MROH1: variants seen among roughly 807,000 people sequenced by gnomAD.
The protein encoded by MROH1 is maestro heat-like repeat-containing protein family member 1.
A neutral mutation model predicts 116.5 loss-of-function variants in MROH1; 117 were observed. The ratio of observed to expected loss-of-function variants is 1.00; its 90% CI spans 0.86 to 1.17. The LOEUF (loss-of-function observed/expected upper bound fraction) is 1.17. MROH1 is among the 50% of genes most tolerant of loss of function. The pLI is 0.00. For synonymous variants in MROH1, 921 were observed against 583.9 expected, an observed-to-expected ratio of 1.58 and a Z score of -8.32; for missense variants, 1,873 against 1,338.5, an observed-to-expected ratio of 1.40 and a Z score of -6.23.
At chr8:144,165,734 C>G (rs190073467) in intron 3 of MROH1, among the ~76,000 whole-genome samples, 1 of 151,156 alleles carries the variant, frequency 6.6e-6, no homozygotes, top group Non-Finnish European at 1.5e-5. Context: ...GCCACTACGC[C>G]GTAATTTTTG....
chr8:144,176,909 CAT>C (rs1824127500), intron 4 of MROH1, among the ~76,000 whole-genome samples: 1 of 151,988 alleles, frequency 6.6e-6, no homozygotes, highest in South Asian at 2.1e-4. Flanking sequence ...GAAAGGGAGT[CAT>C]GTGTAGCCGG....
chr8:144,251,216 C>T (rs1188352388), intron 33 of MROH1: 1 of 154,134 alleles, frequency 6.5e-6, no homozygotes, highest in Non-Finnish European at 1.4e-5. Flanking sequence ...CCCACTTCCT[C>T]CTGGCAGGGG....
At chr8:144,162,123 C>T (rs1261570372) in intron 2 of MROH1, among the ~76,000 whole-genome samples, 2 of 146,902 alleles carry the variant, frequency 1.4e-5, no homozygotes, top group African/African-American at 5.0e-5. Context: ...CTCACTCTGT[C>T]GCCCAGGCTG....
At chr8:144,152,966 A>G (rs1817202109) in intron 1 of MROH1, among the ~76,000 whole-genome samples, 1 of 152,092 alleles carries the variant, frequency 6.6e-6, no homozygotes, top group Non-Finnish European at 1.5e-5. Flanking sequence ...TGATCTCTTG[A>G]ATTTATTCTT....
rs1277377251 is a variant in MROH1 at position 144,239,661 on chromosome 8, G to A, written c.1680G>A (p.Ala560=). 19 of 764,276 alleles carry A rather than the reference G, an allele frequency of 2.5e-5. No homozygotes were observed. Among genetic ancestry groups the A allele is most frequent in the Admixed American group, 5.3e-5 (3 of 56,448 alleles). The allele number at this position is 764,276 out of a possible 1,614,324, so 47.3% of individuals were successfully genotyped here. A position where few individuals can be genotyped will look rare whatever the true frequency, so the allele number is the denominator to read the frequency against. Reference sequence around the variant, plus strand: ...TAGGGGACGGACGTGGGGCAGCGGCGCTGCGCCTCCTCAGTGTTCTGCACC... The same window carrying A: ...TAGGGGACGGACGTGGGGCAGCGGCACTGCGCCTCCTCAGTGTTCTGCACC... ...PYLGDGRGAA[A]LRLLSVLHPN... Residue 560 remains alanine (A), a synonymous_variant, in exon 18 of 44, where the codon GCG becomes GCA. Coordinates refer to ENST00000326134, the MANE Select transcript of MROH1 (RefSeq NM_032450.3).
intron 14 of MROH1, among the ~76,000 whole-genome samples, chr8:144,235,991 A>G (rs1189822787): frequency 6.6e-6 from 1 of 152,226 alleles, no homozygotes; most frequent in Non-Finnish European, 1.5e-5. Flanking sequence ...GAAATTCTAC[A>G]TGGAGACCAT....
chr8:144,199,829 C>T (rs1441980674), intron 11 of MROH1, among the ~76,000 whole-genome samples: 1 of 152,192 alleles, frequency 6.6e-6, no homozygotes, highest in Non-Finnish European at 1.5e-5. Context: ...ACAAGATCCG[C>T]AGGAGGGGTG....
chr8:144,178,456 A>G lies in MROH1; in HGVS notation c.169-999A>G, dbSNP rs550003962. On this transcript the variant is annotated intron_variant, in intron 4 of 43. Coordinates refer to ENST00000326134, the MANE Select transcript of MROH1 (RefSeq NM_032450.3). ...CTGTACTTTTTTTTTTTTAGTAGAG[A>G]CAGGGTTTCACCATGTTGGCCAGGC... Among the ~76,000 whole-genome samples the G allele has an allele frequency of 1.8e-3, 249 of 142,152 alleles. 1 individual carries two copies. Among genetic ancestry groups the G allele is most frequent in the Middle Eastern group, 7.8e-3 (2 of 256 alleles). 93.3% of individuals were successfully genotyped at this position (142,152 alleles called of 152,430 possible).
At chr8:144,256,994 G>A (rs1843976413) in intron 35 of MROH1, among the ~76,000 whole-genome samples, 1 of 151,608 alleles carries the variant, frequency 6.6e-6, no homozygotes, top group Admixed American at 6.6e-5. Context: ...TGAGGCCCTG[G>A]CTCAGACCAT....
At chr8:144,245,414 G>A (rs1446089233) in intron 29 of MROH1, among the ~76,000 whole-genome samples, 154 bp downstream of exon 29, 1 of 152,258 alleles carries the variant, frequency 6.6e-6, no homozygotes, top group African/African-American at 2.4e-5. Context: ...AGGGCCAGGA[G>A]TTGTCAGGGA....
chr8:144,240,886 A>G, intron 20 of MROH1, 106 bp from the exon 21 acceptor site: 1 of 707,668 alleles, frequency 1.4e-6, no homozygotes, highest in South Asian at 1.5e-5. Context: ...TGCAGTTCTC[A>G]TCAGCTTGTG....
In MROH1 at chr8:144,154,235, T is replaced by A. The variant is rs952279030; in HGVS notation, c.-177+6159T>A. On this transcript the variant is annotated intron_variant, in intron 1 of 43. Transcript: ENST00000326134. ...ACGTGCCACCACGCCGGCTAATTTT[T>A]AAAAATTTTTTAAGTAGAGACAAGG... Among the ~76,000 whole-genome samples the A allele has an allele frequency of 1.5e-3, 232 of 152,236 alleles. 1 individual carries two copies. Among genetic ancestry groups the A allele is most frequent in the Admixed American group, 3.8e-3 (58 of 15,276 alleles).
chr8:144,258,264 G>A (rs1203350634), intron 35 of MROH1, among the ~76,000 whole-genome samples: 1 of 152,210 alleles, frequency 6.6e-6, no homozygotes, highest in Non-Finnish European at 1.5e-5. Context: ...CAGCACGCCA[G>A]CAGCCCCTCC....
chr8:144,193,856 G>A (rs1007103949), intron 10 of MROH1, among the ~76,000 whole-genome samples: 13 of 151,942 alleles, frequency 8.6e-5, no homozygotes, highest in Non-Finnish European at 1.9e-4. Flanking sequence ...TGATCCACCT[G>A]CCTCGGCCTC....
intron 39 of MROH1, 55 bp from the exon 40 acceptor site, chr8:144,260,622 G>A (rs1844857661): frequency 1.3e-6 from 1 of 770,912 alleles, no homozygotes; most frequent in Non-Finnish European, 2.4e-6. Flanking sequence ...GGCTAGGCAG[G>A]CAGGCCTGCA....
At chr8:144,236,461 C>T (rs1840054774) in intron 14 of MROH1, among the ~76,000 whole-genome samples, 1 of 152,146 alleles carries the variant, frequency 6.6e-6, no homozygotes, top group Non-Finnish European at 1.5e-5. Flanking sequence ...CAGCATCAGG[C>T]CGGGTGCGGT....
intron 4 of MROH1, among the ~76,000 whole-genome samples, chr8:144,172,003 G>A (rs757791816): frequency 2.6e-5 from 4 of 152,206 alleles, no homozygotes; most frequent in Admixed American, 6.5e-5. Flanking sequence ...AACAGAGATC[G>A]TAAGTCTGAC....
intron 31 of MROH1, among the ~76,000 whole-genome samples, chr8:144,247,995 C>G (rs1348795387): frequency 1.3e-5 from 2 of 152,256 alleles, no homozygotes; most frequent in Non-Finnish European, 2.9e-5. Context: ...GATACCCTGG[C>G]CTGCTCATGA....
chr8:144,164,428 A>G (rs1274117146), intron 3 of MROH1, among the ~76,000 whole-genome samples: 3 of 149,518 alleles, frequency 2.0e-5, no homozygotes, highest in African/African-American at 7.4e-5. Context: ...AAAAAAAGAC[A>G]GGGTCTCCCA....
Sources: allele counts gnomAD v4.1 joint callset (sites outside exome capture counted in the v4.1 genomes callset), GRCh38; gene constraint gnomAD v4.1.1; transcripts MANE v1.5; gene names NCBI Gene and HGNC (gene_info 2026-07-23, HGNC 2026-07-21).